The following SOX6 variants were observed in gnomAD, a reference collection of about 807,000 sequenced individuals.
The protein encoded by SOX6 is SRY-box transcription factor 6, also known as transcription factor SOX-6.
In SOX6, 11 loss-of-function variants were observed where a neutral mutation model predicts 97.8. The ratio of observed to expected loss-of-function variants is 0.11; its 90% CI spans 0.07 to 0.19. SOX6 has a LOEUF of 0.19. SOX6 is among the 10% of genes least tolerant of loss of function. SOX6 has a pLI of 1.00. For synonymous variants in SOX6, 360 were observed against 371.4 expected (o/e 0.97, Z 0.35); for missense variants, 810 against 1,039.5 (o/e 0.78, Z 3.04).
intron 4 of SOX6, among the ~76,000 whole-genome samples, chr11:16,191,719 A>C (rs1024493556): frequency 1.3e-5 from 2 of 152,030 alleles, no homozygotes; most frequent in Non-Finnish European, 2.9e-5. Context: ...ACCAGCAAAA[A>C]CACTTCTGTA....
chr11:16,147,246 G>A, intron 6 of SOX6, among the ~76,000 whole-genome samples: 1 of 152,046 alleles, frequency 6.6e-6, no homozygotes, highest in East Asian at 1.9e-4. Flanking sequence ...GCAAACTATC[G>A]CAAGGACAAC....
At chr11:16,244,821 A>G (rs1479513170) in intron 3 of SOX6, among the ~76,000 whole-genome samples, 1 of 151,524 alleles carries the variant, frequency 6.6e-6, no homozygotes, top group Non-Finnish European at 1.5e-5. Context: ...CTATTAATCA[A>G]TTCATTATCC....
At chr11:16,648,337 T>C (rs937602282) in intron 3 of SOX6, among the ~76,000 whole-genome samples, 22 of 152,030 alleles carry the variant, frequency 1.4e-4, no homozygotes, top group Non-Finnish European at 2.2e-4. Flanking sequence ...ACAGTGGCCA[T>C]GGCAGGCCCC....
chr11:16,471,751 A>G (rs1417276137), intron 1 of SOX6, among the ~76,000 whole-genome samples: 1 of 152,176 alleles, frequency 6.6e-6, no homozygotes, highest in Non-Finnish European at 1.5e-5. Context: ...TAGTCATAGT[A>G]TCCGGCTATA....
chr11:16,630,197 T>C (rs905827700), intron 3 of SOX6, among the ~76,000 whole-genome samples: 4 of 152,232 alleles, frequency 2.6e-5, no homozygotes, highest in African/African-American at 9.6e-5. Flanking sequence ...TAATTTGATA[T>C]CTTGCTAACT....
At chr11:16,364,689 T>G (rs1857304249) in intron 1 of SOX6, among the ~76,000 whole-genome samples, 1 of 152,026 alleles carries the variant, frequency 6.6e-6, no homozygotes, top group Non-Finnish European at 1.5e-5. Flanking sequence ...ACCATACAAA[T>G]GTAAGGTAGA....
intron 1 of SOX6, among the ~76,000 whole-genome samples, chr11:16,380,138 C>T (rs1188337214): frequency 1.3e-5 from 2 of 151,304 alleles, no homozygotes. Context: ...ATATGTATTG[C>T]CTAAATTTCT....
chr11:16,573,573 A>G (rs1464679887), intron 4 of SOX6, among the ~76,000 whole-genome samples: 11 of 152,310 alleles, frequency 7.2e-5, no homozygotes, highest in Admixed American at 3.3e-4. Flanking sequence ...GTGTTACCAA[A>G]CTATCTGCTT....
chr11:16,029,068 A>G (rs912401884), intron 12 of SOX6, among the ~76,000 whole-genome samples: 5 of 152,180 alleles, frequency 3.3e-5, no homozygotes, highest in African/African-American at 1.2e-4. Flanking sequence ...AATGTAAGAT[A>G]TTTTAAAATG....
rs189567020 is a variant in SOX6 at position 16,652,032 on chromosome 11, T to C, written n.430-39772A>G. 6.9e-3 allele frequency among the ~76,000 whole-genome samples: 1,044 copies of C among 151,808 alleles called. 16 individuals carry two copies. Among genetic ancestry groups the C allele is most frequent in the African/African-American group, 0.023 (951 of 41,468 alleles). On this transcript the variant is annotated intron_variant and non_coding_transcript_variant, in intron 3 of 5. Transcript: ENST00000524520. ...CTTTTACAACAGCTGCAAAAAAATA[T>C]ATGCCTAAAAATATACCTAACCAAG...
chr11:16,626,937 A>G (rs1289044152), intron 3 of SOX6, among the ~76,000 whole-genome samples: 1 of 152,180 alleles, frequency 6.6e-6, no homozygotes, highest in Non-Finnish European at 1.5e-5. Context: ...GGCAGTGAAC[A>G]TAATACCCAA....
intron 1 of SOX6, among the ~76,000 whole-genome samples, chr11:16,426,296 A>C (rs1428387415): frequency 7.8e-6 from 1 of 128,526 alleles, no homozygotes; most frequent in Non-Finnish European, 1.7e-5. Context: ...AAAAAAAAAA[A>C]CCACTATTTT....
intron 4 of SOX6, among the ~76,000 whole-genome samples, chr11:16,567,826 C>A (rs1403828715): frequency 6.6e-6 from 1 of 150,852 alleles, no homozygotes; most frequent in African/African-American, 2.4e-5. Flanking sequence ...CCACCCACCT[C>A]AGCCTCCCAC....
chr11:16,646,919 A>T (rs1271642124), intron 3 of SOX6, among the ~76,000 whole-genome samples: 1 of 152,222 alleles, frequency 6.6e-6, no homozygotes, highest in Admixed American at 6.5e-5. Flanking sequence ...GGATTGCTGG[A>T]CGAAATGGTA....
chr11:16,407,181 C>A (rs1858703674), intron 1 of SOX6, among the ~76,000 whole-genome samples: 1 of 152,034 alleles, frequency 6.6e-6, no homozygotes, highest in Non-Finnish European at 1.5e-5. Context: ...TTAGAAAGTA[C>A]AGACAGTTTT....
chr11:16,480,542 T>C (rs1024418938), upstream of SOX6, among the ~76,000 whole-genome samples: 3 of 152,102 alleles, frequency 2.0e-5, no homozygotes, highest in African/African-American at 7.2e-5. Flanking sequence ...AATAAAAACA[T>C]TGCCACCTCC....
intron 1 of SOX6, among the ~76,000 whole-genome samples, chr11:16,415,473 T>C (rs1013401104): frequency 1.3e-5 from 2 of 152,096 alleles, no homozygotes; most frequent in Admixed American, 6.6e-5. Flanking sequence ...GAATACTACA[T>C]AGGAGAATCT....
Position 16,186,817 on chromosome 11 carries a change from T to C in SOX6, c.674A>G (p.Gln225Arg). The change falls in exon 5 of 16, where the codon CAG becomes CGG. Residue 225 changes from glutamine (Q) to arginine (R), a missense_variant. By Grantham distance (43) the Gln-to-Arg change is conservative. Coordinates refer to ENST00000683767, the MANE Select transcript of SOX6 (RefSeq NM_001367873.1). ...CTGTTGGCGAGCAAGGTCCATTTGC[T>C]GCCGTTGTTTCTCAATTTGTGACGC... is the stretch of plus-strand genomic sequence containing the variant. ...LAASQIEKQRQQMDLARQQQE... is the reference protein window; with the variant it reads ...LAASQIEKQRRQMDLARQQQE... 1 of 1,613,692 alleles carries C rather than the reference T, an allele frequency of 6.2e-7. No individual in the cohort carries two copies. The highest frequency in any genetic ancestry group is 8.5e-7 in the Non-Finnish European group (1 of 1,179,856).
At chr11:16,527,524 T>C (rs1442837933) in intron 4 of SOX6, among the ~76,000 whole-genome samples, 1 of 152,110 alleles carries the variant, frequency 6.6e-6, no homozygotes, top group African/African-American at 2.4e-5. Flanking sequence ...TGTTCCAAAT[T>C]ATCTTTTCCC....
Sources: allele counts gnomAD v4.1 joint callset (sites outside exome capture counted in the v4.1 genomes callset), GRCh38; gene constraint gnomAD v4.1.1; transcripts MANE v1.5; gene names NCBI Gene and HGNC (gene_info 2026-07-23, HGNC 2026-07-21).